The following FBN2 variants were observed in gnomAD, a reference collection of about 807,000 sequenced individuals.
FBN2 encodes fibrillin 2, also known as fibrillin-2.
In FBN2, 105 loss-of-function variants were observed where a neutral mutation model predicts 355.6. The ratio of observed to expected loss-of-function variants is 0.30; its 90% confidence interval spans 0.25 to 0.35. The LOEUF (loss-of-function observed/expected upper bound fraction) is 0.35, where lower values mean the gene tolerates loss of function less well. Ranked by LOEUF, FBN2 falls within the 10% of genes least tolerant of loss-of-function variation. The pLI is 1.00. For missense variants in FBN2, 3,280 were observed against 3,758.7 expected, an observed-to-expected ratio of 0.87 and a Z score of 3.33; for synonymous variants, 1,350 against 1,301.2, an observed-to-expected ratio of 1.04 and a Z score of -0.81.
chr5:128,406,795 A>G (rs1216151702), intron 8 of FBN2, among the ~76,000 whole-genome samples: 3 of 152,204 alleles, frequency 2.0e-5, no homozygotes, highest in African/African-American at 7.2e-5. Flanking sequence ...TTTTTGAATC[A>G]CAGTGGGAAC....
chr5:128,483,158 T>C (rs760398551), intron 5 of FBN2, among the ~76,000 whole-genome samples: 66 of 152,186 alleles, frequency 4.3e-4, no homozygotes, highest in Non-Finnish European at 8.5e-4. Context: ...CAGGGACTAA[T>C]AGATGAGGGA....
chr5:128,515,884 C>T (rs1756268053), intron 5 of FBN2, among the ~76,000 whole-genome samples: 1 of 152,114 alleles, frequency 6.6e-6, no homozygotes, highest in Admixed American at 6.5e-5. Flanking sequence ...TTAAGGAAGT[C>T]ATGTTTACAT....
In FBN2 at chr5:128,286,760, G is replaced by A; in HGVS notation, c.6970C>T (p.Pro2324Ser). 1 of 1,614,146 alleles carries A rather than the reference G, an allele frequency of 6.2e-7. No homozygotes were observed. Among genetic ancestry groups the A allele is most frequent in the East Asian group, 2.2e-5 (1 of 44,880 alleles). ...TCGGGCCTTCGGGCCATTCCAGGAGGGCAGATGCACATGAAGGTGCCGATT... is the reference window on the plus strand; with the variant it reads ...TCGGGCCTTCGGGCCATTCCAGGAGAGCAGATGCACATGAAGGTGCCGATT... Reference protein sequence around the residue: ...NLIGTFMCICPPGMARRPDGE... With the variant: ...NLIGTFMCICSPGMARRPDGE... The change falls in exon 55 of 65, where the codon CCT becomes TCT. Residue 2324 changes from proline (P) to serine (S), a missense_variant. Transcript: ENST00000262464.
At chr5:128,276,393 G>C (rs769185686) in intron 58 of FBN2, among the ~76,000 whole-genome samples, 3 of 152,046 alleles carry the variant, frequency 2.0e-5, no homozygotes, top group African/African-American at 7.2e-5. Context: ...CAACTGTCTG[G>C]GTCCAAAATT....
chr5:128,330,455 G>A lies in FBN2; in HGVS notation c.4345+118C>T, dbSNP rs375033787. 3.5e-5 allele frequency: 35 copies of A among 1,009,490 alleles called. 1 individual carries two copies. In the South Asian group the frequency reaches 4.3e-4, roughly 13 times the overall value. 62.5% of individuals were successfully genotyped at this position (1,009,490 alleles called of 1,614,324 possible). ...AGATACATAGTCACCTGCAAGTCAA[G>A]TATAAAAAAAGAGGTAGTTACTTTT... is the stretch of plus-strand genomic sequence containing the variant. On this transcript the variant is annotated intron_variant, in intron 33 of 64. Coordinates refer to ENST00000262464, the MANE Select transcript of FBN2 (RefSeq NM_001999.4).
chr5:128,296,014 A>G (rs1749498152), intron 48 of FBN2, among the ~76,000 whole-genome samples: 1 of 151,990 alleles, frequency 6.6e-6, no homozygotes, highest in African/African-American at 2.4e-5. Context: ...ACGTCCCATC[A>G]ATACCTAATT....
chr5:128,427,424 C>T (rs1203692104), intron 7 of FBN2, among the ~76,000 whole-genome samples: 1 of 152,116 alleles, frequency 6.6e-6, no homozygotes. Context: ...CCCTGACCCC[C>T]ACCAAAAGGA....
chr5:128,480,110 TAATA>T (rs1040430659), intron 5 of FBN2, among the ~76,000 whole-genome samples: 2 of 143,184 alleles, frequency 1.4e-5, no homozygotes, highest in Non-Finnish European at 3.0e-5. Flanking sequence ...TCCATATATA[TAATA>T]TATATATCCT....
At chr5:128,429,701 T>C (rs551363984) in intron 7 of FBN2, among the ~76,000 whole-genome samples, 2 of 152,368 alleles carry the variant, frequency 1.3e-5, no homozygotes, top group African/African-American at 2.4e-5. Flanking sequence ...CAGGATACTA[T>C]ACTTCCTGTT....
rs968391440 is a variant in FBN2 at position 128,511,284 on chromosome 5, G to C, written c.628+7989C>G. ...CTTTCAAGCATACAAGTCATTCATA[G>C]CTCCTCTACTCAGTGCCTACTTGAG... On this transcript the variant is annotated intron_variant, in intron 5 of 64. Transcript: ENST00000262464. 3.9e-5 allele frequency among the ~76,000 whole-genome samples: 6 copies of C among 152,096 alleles called. 1 individual carries two copies. Among genetic ancestry groups the C allele is most frequent in the African/African-American group, 1.2e-4 (5 of 41,406 alleles).
chr5:128,534,669 C>T (rs1218344611), intron 2 of FBN2, among the ~76,000 whole-genome samples: 2 of 152,158 alleles, frequency 1.3e-5, no homozygotes, highest in Admixed American at 6.5e-5. Context: ...TTACAATAGT[C>T]ACTGTTACCC....
intron 33 of FBN2, among the ~76,000 whole-genome samples, chr5:128,329,902 T>C (rs1676933760): frequency 1.3e-5 from 2 of 152,218 alleles, no homozygotes; most frequent in South Asian, 4.1e-4. Context: ...ATGCATATAA[T>C]GAGAGGATGC....
rs181210625 is a variant in FBN2, at chr5:128,262,296, C to T, written c.8193-389G>A. Among the ~76,000 whole-genome samples, 24 of 152,264 alleles carry T rather than the reference C, an allele frequency of 1.6e-4. 1 individual carries two copies. The East Asian group carries it at 4.3e-3, about 27-fold the overall frequency. On this transcript the variant is annotated intron_variant, in intron 63 of 64. Transcript: ENST00000262464. ...CTGGTCTCCAACTTCTGCCTTCAAGCGATTCTCCTACCTCGGACTCCCAAA... is the reference window on the plus strand; with the variant it reads ...CTGGTCTCCAACTTCTGCCTTCAAGTGATTCTCCTACCTCGGACTCCCAAA...
chr5:128,476,732 C>A (rs1320381771), intron 5 of FBN2, among the ~76,000 whole-genome samples: 1 of 151,754 alleles, frequency 6.6e-6, no homozygotes, highest in Admixed American at 6.6e-5. Context: ...CAGCTTTGTA[C>A]CATATAAACA....
At chr5:128,466,537 T>C (rs1246170592) in intron 5 of FBN2, among the ~76,000 whole-genome samples, 1 of 152,176 alleles carries the variant, frequency 6.6e-6, no homozygotes, top group Admixed American at 6.5e-5. Flanking sequence ...CGTGCTGCAG[T>C]ACAACAACAA....
intron 6 of FBN2, among the ~76,000 whole-genome samples, chr5:128,450,088 G>A (rs1754197352): frequency 6.6e-6 from 1 of 152,078 alleles, no homozygotes. Context: ...CTGCAAGTAT[G>A]TGGAAATTTC....
At chr5:128,531,189 T>TA (rs1178815654) in intron 2 of FBN2, among the ~76,000 whole-genome samples, 2 of 151,990 alleles carry the variant, frequency 1.3e-5, no homozygotes, top group African/African-American at 4.8e-5. Flanking sequence ...ATACATATAA[T>TA]ATATATATCA....
At position 128,309,243 on chromosome 5, in the gene FBN2, T is replaced by G; in HGVS notation, c.5353+4A>C. ...GTCAGCAGATGCACGAGCCGTGTGC[T>G]TACCTGTTCCTGGAGTTGGGCATGG... On this transcript the variant is annotated splice_donor_region_variant and intron_variant, in intron 41 of 64. Coordinates refer to ENST00000262464, the MANE Select transcript of FBN2 (RefSeq NM_001999.4). 1.2e-6 allele frequency: 2 copies of G among 1,614,012 alleles called. No individual in the cohort carries two copies. Among genetic ancestry groups the G allele is most frequent in the Non-Finnish European group, 1.7e-6 (2 of 1,179,908 alleles).
At chr5:128,358,577 A>T (rs983512736) in intron 19 of FBN2, among the ~76,000 whole-genome samples, 3 of 152,130 alleles carry the variant, frequency 2.0e-5, no homozygotes, top group Non-Finnish European at 4.4e-5. Context: ...TTGAAGAAAT[A>T]TGAATGTATT....
Sources: allele counts gnomAD v4.1 joint callset (sites outside exome capture counted in the v4.1 genomes callset), GRCh38; gene constraint gnomAD v4.1.1; transcripts MANE v1.5; gene names NCBI Gene and HGNC (gene_info 2026-07-23, HGNC 2026-07-21).